Variants in DMD observed in about 807,000 individuals in gnomAD.
DMD encodes mutant dystrophin.
DMD carries 63 observed loss-of-function variants against 330.1 expected under a neutral mutation model. The observed-to-expected ratio is 0.19, with a 90% CI of 0.16 to 0.24. The LOEUF is 0.24. Among genes scored for constraint, DMD ranks in the 10% least tolerant of loss-of-function variants. The pLI is 1.00. For synonymous variants in DMD, 1,223 were observed against 959.8 expected (o/e 1.27, Z -5.07); for missense variants, 3,344 against 2,684.1 (o/e 1.25, Z -5.43).
chrX:32,757,123 A>G, intron 7 of DMD, among the ~76,000 whole-genome samples: 1 of 111,949 alleles, frequency 8.9e-6, no homozygotes, highest in Non-Finnish European at 1.9e-5. Context: ...TATACATTTA[A>G]AAATGGCTCA....
chrX:31,498,839 T>G (rs2070125479), intron 56 of DMD, among the ~76,000 whole-genome samples: 2 of 112,293 alleles, frequency 1.8e-5, no homozygotes, highest in African/African-American at 6.5e-5. Context: ...TGAAATACCA[T>G]AAATGTCATG....
intron 44 of DMD, among the ~76,000 whole-genome samples, chrX:32,103,625 AAC>A (rs760731176): frequency 3.6e-5 from 4 of 112,333 alleles, no homozygotes; most frequent in Non-Finnish European, 7.5e-5. Context: ...ACTATTAATA[AAC>A]AGTTTGCTTT....
At chrX:32,343,783 T>C (rs1474019267) in intron 39 of DMD, among the ~76,000 whole-genome samples, 1 of 112,062 alleles carries the variant, frequency 8.9e-6, no homozygotes, top group Non-Finnish European at 1.9e-5. Context: ...AAGAGTTTCA[T>C]AGGCCATTAA....
chrX:33,043,626 CAAA>C (rs1412136153), intron 1 of DMD, among the ~76,000 whole-genome samples: 2 of 111,555 alleles, frequency 1.8e-5, no homozygotes, highest in African/African-American at 6.5e-5. Flanking sequence ...AAATAGAAAA[CAAA>C]GAAGTTTTGA....
intron 63 of DMD, among the ~76,000 whole-genome samples, chrX:31,247,541 C>CA (rs2048949047): frequency 9.6e-6 from 1 of 103,946 alleles, no homozygotes; most frequent in Admixed American, 1.1e-4. Context: ...GCAGAGGTTG[C>CA]AGTGAGCCTA....
intron 3 of DMD, among the ~76,000 whole-genome samples, chrX:32,846,669 C>A (rs2080698233): frequency 1.0e-5 from 1 of 97,457 alleles, no homozygotes; most frequent in Non-Finnish European, 2.0e-5. Context: ...GGTTTACATT[C>A]TGATATTTCT....
chrX:32,818,668 T>C (rs915403638), intron 5 of DMD, among the ~76,000 whole-genome samples: 12 of 111,718 alleles, frequency 1.1e-4, no homozygotes, highest in African/African-American at 3.9e-4. Flanking sequence ...GAAGGCATGA[T>C]GGACATGGAG....
At chrX:31,589,440 G>A (rs2076768671) in intron 55 of DMD, among the ~76,000 whole-genome samples, 1 of 111,384 alleles carries the variant, frequency 9.0e-6, no homozygotes, top group Non-Finnish European at 1.9e-5. Context: ...AAGCGGGTAG[G>A]GGTTAGGGGA....
chrX:32,058,598 T>C (rs2096199330), intron 44 of DMD, among the ~76,000 whole-genome samples: 1 of 106,214 alleles, frequency 9.4e-6, no homozygotes, highest in Non-Finnish European at 1.9e-5. Flanking sequence ...CCAAGATCAT[T>C]ACATGTGTTG....
chrX:31,868,629 T>C (rs114524747), intron 48 of DMD, among the ~76,000 whole-genome samples: 3,689 of 111,702 alleles, frequency 0.033, 156 homozygotes, highest in African/African-American at 0.11. Context: ...TTGGGAAAAC[T>C]GTCCCGGTAC....
At chrX:31,890,282 G>A in intron 47 of DMD, among the ~76,000 whole-genome samples, 1 of 106,736 alleles carries the variant, frequency 9.4e-6, no homozygotes, top group East Asian at 2.9e-4. Flanking sequence ...GCCGAGGAAG[G>A]AGGACTGCTT....
intron 53 of DMD, 29 bp downstream of exon 53, chrX:31,679,346 T>C (rs748114542): frequency 1.0e-5 from 11 of 1,098,861 alleles, no homozygotes; most frequent in Non-Finnish European, 1.2e-5. Context: ...ACCAGTATTT[T>C]ATTTTAAAAA....
chrX:32,441,043 A>G, intron 28 of DMD, 137 bp downstream of exon 28: 1 of 694,064 alleles, frequency 1.4e-6, no homozygotes, highest in Non-Finnish European at 2.1e-6. Flanking sequence ...GGCTTTATCC[A>G]AAGTACCAGT....
chrX:32,274,748 C>T (rs1343341286), intron 43 of DMD, among the ~76,000 whole-genome samples: 2 of 111,894 alleles, frequency 1.8e-5, no homozygotes, highest in Admixed American at 9.5e-5. Context: ...CTAATTTAGA[C>T]GGTATAGTGT....
chrX:31,841,023 G>A (rs113688724), intron 48 of DMD, among the ~76,000 whole-genome samples: 15,153 of 111,382 alleles, frequency 0.14, 890 homozygotes, highest in Admixed American at 0.27. Flanking sequence ...AAGGCATGTC[G>A]AAAGCCAAGA....
chrX:32,528,622 A>T (rs1052061365), intron 17 of DMD, among the ~76,000 whole-genome samples: 7 of 111,490 alleles, frequency 6.3e-5, no homozygotes, highest in Non-Finnish European at 1.3e-4. Context: ...GACATGCCTC[A>T]TTATACCTCT....
At chrX:31,682,276 T>C (rs913761633) in intron 52 of DMD, among the ~76,000 whole-genome samples, 10 of 111,409 alleles carry the variant, frequency 9.0e-5, no homozygotes, top group Non-Finnish European at 1.9e-5. Context: ...GTTTGCTATG[T>C]ATTGCAAAAC....
At chrX:33,047,022 T>C (rs1603059787) in intron 1 of DMD, among the ~76,000 whole-genome samples, 1 of 112,389 alleles carries the variant, frequency 8.9e-6, no homozygotes, top group East Asian at 2.8e-4. Context: ...TTTAAACACA[T>C]GAACATACTT....
chrX:32,961,324 G>C (rs1454246019), intron 2 of DMD, among the ~76,000 whole-genome samples: 1 of 110,741 alleles, frequency 9.0e-6, no homozygotes, highest in South Asian at 3.8e-4. Flanking sequence ...TTTATGGTAT[G>C]GTTGATTCAC....
Sources: gnomAD v4.1 joint callset for allele counts (sites outside exome capture counted in the v4.1 genomes callset) on GRCh38, gnomAD v4.1.1 for gene constraint, MANE v1.5 for transcripts, NCBI Gene and HGNC (gene_info 2026-07-23, HGNC 2026-07-21) for gene names.